Variants in C11orf97 observed in about 807,000 individuals in gnomAD.
The protein encoded by C11orf97 is uncharacterized protein C11orf97.
A neutral mutation model predicts 16.2 loss-of-function variants in C11orf97; 15 were observed. That is an observed-to-expected ratio of 0.93 (90% CI 0.62 to 1.43). The LOEUF is 1.43. C11orf97 is among the 40% of genes most tolerant of loss of function. The pLI is 0.00. For missense variants in C11orf97, 171 were observed against 161.2 expected (o/e 1.06, Z -0.33); for synonymous variants, 61 against 65.7 (o/e 0.93, Z 0.34).
chr11:94,520,970 T>A (rs1947653239), intron 2 of C11orf97, among the ~76,000 whole-genome samples: 1 of 152,176 alleles, frequency 6.6e-6, no homozygotes, highest in South Asian at 2.1e-4. Context: ...TGATCTCATC[T>A]CCTATACTTT....
At position 94,530,090 on chromosome 11, in the gene C11orf97, T is replaced by C. The variant is rs118176241; in HGVS notation, c.377-1806T>C. The stretch of plus-strand genomic sequence containing the variant: ...TACAAGTCCAATAAATTATCCAATT[T>C]ATTGATTGGGGACATATGATAAAAA... On this transcript the variant is annotated intron_variant, in intron 3 of 3. Coordinates refer to ENST00000542198, the MANE Select transcript of C11orf97 (RefSeq NM_001190462.2). 2.7e-4 allele frequency among the ~76,000 whole-genome samples: 41 copies of C among 152,368 alleles called. No individual in the cohort carries two copies. In the East Asian group the frequency reaches 7.9e-3, roughly 29 times the overall value.
rs1341404588 is a variant in C11orf97 at position 94,514,420 on chromosome 11, A to G, written c.145+1747A>G. Reference sequence around the variant, plus strand: ...GAGACAGGCTGTTCGCACAAGCACAAAGTACTCAGTCAATTTTTCAAATGT... The same window carrying G: ...GAGACAGGCTGTTCGCACAAGCACAGAGTACTCAGTCAATTTTTCAAATGT... On this transcript the variant is annotated intron_variant, in intron 1 of 3. Coordinates refer to ENST00000542198, the MANE Select transcript of C11orf97 (RefSeq NM_001190462.2). Among the ~76,000 whole-genome samples, 3 of 152,142 alleles carry G rather than the reference A, an allele frequency of 2.0e-5. No homozygotes were observed. In the East Asian group the frequency reaches 5.8e-4, roughly 29 times the overall value.
chr11:94,522,372 A>C (rs537547369), intron 2 of C11orf97, among the ~76,000 whole-genome samples: 2 of 152,236 alleles, frequency 1.3e-5, no homozygotes, highest in African/African-American at 4.8e-5. Flanking sequence ...CGTCTCTACT[A>C]AACATACAAA....
rs1343200771 is a variant in C11orf97 at position 94,512,979 on chromosome 11, A to G, written c.145+306A>G. On this transcript the variant is annotated intron_variant, in intron 1 of 3. Coordinates refer to ENST00000542198, the MANE Select transcript of C11orf97 (RefSeq NM_001190462.2). ...CACACACACACACATTTATATGTAT[A>G]CCATTTTATATACACATTTGTATAT... is the stretch of plus-strand genomic sequence containing the variant. Among the ~76,000 whole-genome samples the G allele has an allele frequency of 2.0e-5, 3 of 152,080 alleles. No homozygotes were observed. The East Asian group carries it at 5.8e-4, about 29-fold the overall frequency.
At chr11:94,524,311 G>T (rs75858716) in intron 2 of C11orf97, among the ~76,000 whole-genome samples, 4,424 of 152,230 alleles carry the variant, frequency 0.029, 147 homozygotes, top group African/African-American at 0.078. Flanking sequence ...TTTGTCAGAA[G>T]CTGATGTTGT....
chr11:94,531,781 C>A, intron 3 of C11orf97, 115 bp from the exon 4 acceptor site: 2 of 825,794 alleles, frequency 2.4e-6, no homozygotes, highest in Non-Finnish European at 3.4e-6. Context: ...GTGGCTCTTA[C>A]ATTCTGCTCA....
At chr11:94,524,270 G>A (rs532667187) in intron 2 of C11orf97, among the ~76,000 whole-genome samples, 1 of 152,230 alleles carries the variant, frequency 6.6e-6, no homozygotes, top group Admixed American at 6.5e-5. Context: ...GCAGTGACTT[G>A]TCCAATGTCA....
rs1447954134 is a variant in C11orf97 at position 94,521,869 on chromosome 11, T to C, written c.250+4182T>C. Among the ~76,000 whole-genome samples, 7 of 152,340 alleles carry C rather than the reference T, an allele frequency of 4.6e-5. No homozygotes were observed. The South Asian group carries it at 1.2e-3, about 27-fold the overall frequency. On this transcript the variant is annotated intron_variant, in intron 2 of 3. Transcript: ENST00000542198. ...TCTCTGGTGACACGTTATGGCTAAA[T>C]GCAGTGGATACTGTTCTGCCTCTAG...
At chr11:94,522,922 C>T (rs1947670137) in intron 2 of C11orf97, among the ~76,000 whole-genome samples, 1 of 152,132 alleles carries the variant, frequency 6.6e-6, no homozygotes, top group African/African-American at 2.4e-5. Context: ...ACCATCAAGG[C>T]ACCATTTGTA....
rs1947623619 is a variant in C11orf97, at chr11:94,517,827, G to A, written c.250+140G>A. Reference sequence around the variant, plus strand: ...TCTTGAACTAGTTTATAATTAATTTGCTTATGTCCAAATAAACCTTCATGT... The same window carrying A: ...TCTTGAACTAGTTTATAATTAATTTACTTATGTCCAAATAAACCTTCATGT... On this transcript the variant is annotated intron_variant, in intron 2 of 3. Transcript: ENST00000542198. 11 of 606,244 alleles carry A rather than the reference G, an allele frequency of 1.8e-5. No homozygotes were observed. The South Asian group carries it at 2.9e-4, about 16-fold the overall frequency. 37.6% of individuals were successfully genotyped at this position (606,244 alleles called of 1,614,324 possible). A position where few individuals can be genotyped will look rare whatever the true frequency, so the allele number is the denominator to read the frequency against.
At chr11:94,526,910 G>T (rs1276674481) in intron 2 of C11orf97, among the ~76,000 whole-genome samples, 3 of 152,136 alleles carry the variant, frequency 2.0e-5, no homozygotes, top group Non-Finnish European at 4.4e-5. Context: ...ATTCAGCTTG[G>T]CAAGTCAGCT....
At position 94,517,591 on chromosome 11, in the gene C11orf97, T is replaced by A; in HGVS notation, c.154T>A (p.Phe52Ile). ...PLEHGQQWKK[F>I]LYCEPHKRIK... ...TGTTAATGCCTTTATAGGGAAGAAA[T>A]TTTTATATTGTGAGCCACATAAGAG... Residue 52 changes from phenylalanine to isoleucine, a missense_variant, in exon 2 of 4, where the codon TTT becomes ATT. Physicochemically the swap from Phe to Ile is conservative, Grantham distance 21. Transcript: ENST00000542198. 2.0e-6 allele frequency: 3 copies of A among 1,524,994 alleles called. No individual in the cohort carries two copies. The Middle Eastern group carries it at 5.0e-4, about 256-fold the overall frequency. 94.5% of individuals were successfully genotyped at this position (1,524,994 alleles called of 1,614,324 possible). A position where few individuals can be genotyped will look rare whatever the true frequency, so the allele number is the denominator to read the frequency against.
chr11:94,524,109 T>C (rs1947680517), intron 2 of C11orf97, among the ~76,000 whole-genome samples: 1 of 152,014 alleles, frequency 6.6e-6, no homozygotes, highest in Non-Finnish European at 1.5e-5. Context: ...ATGGTGATAA[T>C]AATAGTAATA....
At chr11:94,531,037 C>A (rs7931179) in intron 3 of C11orf97, among the ~76,000 whole-genome samples, 42,277 of 152,026 alleles carry the variant, frequency 0.28, 6,550 homozygotes, top group African/African-American at 0.42. Context: ...GTAGTTGGGA[C>A]TCTTCCAACA....
chr11:94,529,065 G>A (rs1404791780), intron 3 of C11orf97, among the ~76,000 whole-genome samples: 1 of 152,090 alleles, frequency 6.6e-6, no homozygotes, highest in Non-Finnish European at 1.5e-5. Context: ...AGAAACTCAG[G>A]CACAGAGAGG....
intron 2 of C11orf97, among the ~76,000 whole-genome samples, chr11:94,519,525 T>C (rs1364498761): frequency 6.6e-6 from 1 of 152,260 alleles, no homozygotes; most frequent in East Asian, 1.9e-4. Flanking sequence ...GTATGTTGTA[T>C]TATTCTTATT....
intron 1 of C11orf97, among the ~76,000 whole-genome samples, chr11:94,514,254 T>C (rs1947591995): frequency 2.4e-5 from 1 of 41,524 alleles, no homozygotes; most frequent in African/African-American, 5.6e-5. Context: ...ATGCTAGGCA[T>C]TCCACAAGTT....
intron 2 of C11orf97, among the ~76,000 whole-genome samples, chr11:94,522,794 T>C (rs1947669546): frequency 6.6e-6 from 1 of 152,208 alleles, no homozygotes; most frequent in Admixed American, 6.5e-5. Flanking sequence ...CCGCAGTATA[T>C]TTTTTAAATA....
At chr11:94,513,968 C>T (rs962137757) in intron 1 of C11orf97, among the ~76,000 whole-genome samples, 15 of 152,100 alleles carry the variant, frequency 9.9e-5, no homozygotes, top group Admixed American at 8.5e-4. Flanking sequence ...CCACCATGCC[C>T]GGCTAATGTT....
Sources: allele counts gnomAD v4.1 joint callset (sites outside exome capture counted in the v4.1 genomes callset), GRCh38; gene constraint gnomAD v4.1.1; transcripts MANE v1.5; gene names NCBI Gene and HGNC (gene_info 2026-07-23, HGNC 2026-07-21).